The following GLYR1 variants were observed in gnomAD, a reference collection of about 807,000 sequenced individuals.
GLYR1 encodes the protein glyoxylate reductase 1 homolog, also known as cytokine-like nuclear factor N-PAC.
In GLYR1, 21 loss-of-function variants were observed where a neutral mutation model predicts 72.7. The observed-to-expected ratio is 0.29, with a 90% CI of 0.20 to 0.42. The LOEUF (loss-of-function observed/expected upper bound fraction) is 0.42. GLYR1 is among the 10% of genes least tolerant of loss of function. The probability of loss-of-function intolerance (pLI) is 1.00; values close to 1 mark genes in which losing one functional copy is unlikely to be tolerated. For missense variants in GLYR1, 594 were observed against 712.1 expected (o/e 0.83, Z 1.89); for synonymous variants, 392 against 270.2 (o/e 1.45, Z -4.42).
intron 5 of GLYR1, among the ~76,000 whole-genome samples, chr16:4,824,934 C>T (rs970477629): frequency 5.3e-5 from 8 of 152,106 alleles, no homozygotes; most frequent in African/African-American, 1.7e-4. Flanking sequence ...TCTACTAGGC[C>T]GATATCTTTA....
At chr16:4,841,946 C>G (rs1190484817) in intron 3 of GLYR1, among the ~76,000 whole-genome samples, 2 of 152,192 alleles carry the variant, frequency 1.3e-5, no homozygotes, top group African/African-American at 4.8e-5. Flanking sequence ...GAGCTGGATT[C>G]AAATCCCATC....
At chr16:4,818,109 C>T (rs567494296) in intron 9 of GLYR1, among the ~76,000 whole-genome samples, 3 of 152,086 alleles carry the variant, frequency 2.0e-5, no homozygotes, top group Non-Finnish European at 2.9e-5. Context: ...ATTCTCCTGC[C>T]TCAGCTTTCT....
chr16:4,809,641 C>A (rs2083212077), intron 15 of GLYR1, among the ~76,000 whole-genome samples: 1 of 147,154 alleles, frequency 6.8e-6, no homozygotes, highest in Admixed American at 6.9e-5. Flanking sequence ...ATCATACAGG[C>A]AGCTGGTTGT....
At chr16:4,831,522 T>C (rs1327702177) in intron 5 of GLYR1, among the ~76,000 whole-genome samples, 5 of 152,160 alleles carry the variant, frequency 3.3e-5, no homozygotes, top group Non-Finnish European at 7.3e-5. Flanking sequence ...GTGCCCTCCA[T>C]CTTTGGAATG....
In GLYR1 at chr16:4,815,942, C is replaced by T. The variant is rs1256085424; in HGVS notation, c.907-1295G>A. Among the ~76,000 whole-genome samples the T allele has an allele frequency of 5.9e-5, 9 of 151,838 alleles. 1 individual carries two copies. Among genetic ancestry groups the T allele is most frequent in the Middle Eastern group, 7.0e-3 (2 of 286 alleles). The stretch of plus-strand genomic sequence containing the variant: ...GACTACAGGCGCCCGCCACTGTGCC[C>T]GGCTAATTTTTCGTATTTTTAGTAG... On this transcript the variant is annotated intron_variant, in intron 10 of 15. Transcript: ENST00000321919.
chr16:4,805,062 G>T lies in GLYR1; in HGVS notation c.*174C>A, dbSNP rs2082891024. Reference sequence around the variant, plus strand: ...GCTGACACTTGTCCCCTCCCCACCGGCCTCAGGGGAAGGGTGCTGCTGTGT... The same window carrying T: ...GCTGACACTTGTCCCCTCCCCACCGTCCTCAGGGGAAGGGTGCTGCTGTGT... On this transcript the variant is annotated 3_prime_UTR_variant, in exon 16 of 16. Coordinates refer to ENST00000321919, the MANE Select transcript of GLYR1 (RefSeq NM_032569.4). 1 of 615,164 alleles carries T rather than the reference G, an allele frequency of 1.6e-6. No homozygotes were observed. Among genetic ancestry groups the T allele is most frequent in the Admixed American group, 2.5e-5 (1 of 39,904 alleles). 38.1% of individuals were successfully genotyped at this position (615,164 alleles called of 1,614,324 possible). A position where few individuals can be genotyped will look rare whatever the true frequency, so the allele number is the denominator to read the frequency against.
chr16:4,845,594 G>A (rs549776723), intron 2 of GLYR1, among the ~76,000 whole-genome samples: 1 of 151,814 alleles, frequency 6.6e-6, no homozygotes, highest in Non-Finnish European at 1.5e-5. Flanking sequence ...ACAGGACATA[G>A]TGAAAACAAA....
In GLYR1 at chr16:4,842,105, A is replaced by G. The variant is rs1012625563; in HGVS notation, c.155+2969T>C. ...AAAATACAACAAAAATTAGCTGGGC[A>G]TGGTGGTGTGCGCCTGTAGTCCCAG... On this transcript the variant is annotated intron_variant, in intron 3 of 15. Transcript: ENST00000321919. 2.6e-5 allele frequency among the ~76,000 whole-genome samples: 4 copies of G among 152,090 alleles called. 1 individual carries two copies. Among genetic ancestry groups the G allele is most frequent in the Admixed American group, 6.5e-5 (1 of 15,272 alleles).
intron 9 of GLYR1, among the ~76,000 whole-genome samples, chr16:4,819,484 A>T (rs1014822212): frequency 2.0e-5 from 3 of 151,818 alleles, no homozygotes; most frequent in African/African-American, 7.3e-5. Context: ...AAGTTTTAAA[A>T]TTTTTTTGTA....
intron 3 of GLYR1, chr16:4,839,564 A>G (rs2085395098): frequency 1.3e-5 from 2 of 152,324 alleles, no homozygotes; most frequent in Admixed American, 6.5e-5. Flanking sequence ...TATTTCCATG[A>G]AAATACAAAA....
Position 4,843,430 on chromosome 16 carries a change from C to A in GLYR1, c.155+1644G>T, listed in dbSNP as rs151194311. The A allele has an allele frequency of 8.6e-5, 102 of 1,189,514 alleles. No homozygotes were observed. In the African/African-American group the frequency reaches 1.6e-3, roughly 19 times the overall value. The allele number at this position is 1,189,514 out of a possible 1,614,324, so 73.7% of individuals were successfully genotyped here. A position where few individuals can be genotyped will look rare whatever the true frequency, so the allele number is the denominator to read the frequency against. On this transcript the variant is annotated intron_variant, in intron 3 of 15. Transcript: ENST00000321919. ...TTGGCCTCCCAAAGTACTGGGATTGCAGGCCTGAGGCACCATGCCCGGCCA... is the reference window on the plus strand; with the variant it reads ...TTGGCCTCCCAAAGTACTGGGATTGAAGGCCTGAGGCACCATGCCCGGCCA...
chr16:4,812,479 A>G (rs985096387), intron 12 of GLYR1, among the ~76,000 whole-genome samples: 1 of 151,954 alleles, frequency 6.6e-6, no homozygotes, highest in Admixed American at 6.6e-5. Context: ...TCCACACAGG[A>G]ACCCAACTGA....
At chr16:4,833,231 C>A (rs139577693) in intron 3 of GLYR1, 4 of 203,452 alleles carry the variant, frequency 2.0e-5, no homozygotes, top group Non-Finnish European at 3.9e-5. Flanking sequence ...ACCACATATA[C>A]GCTGCCACTT....
chr16:4,803,925 C>G lies in GLYR1; in HGVS notation c.*1311G>C, dbSNP rs1474484404. ...ACTTTTTTTTTTGCAACATTCCAAG[C>G]CCCCCCCGGTCCCCTATCCAAGGAC... On this transcript the variant is annotated 3_prime_UTR_variant, in exon 16 of 16. Transcript: ENST00000321919. 6.6e-6 allele frequency: 1 copy of G among 151,144 alleles called. No homozygotes were observed. The highest frequency in any genetic ancestry group is 6.6e-5 in the Admixed American group (1 of 15,144). The allele number at this position is 151,144 out of a possible 1,614,324, so 9.4% of individuals were successfully genotyped here.
chr16:4,822,930 G>A lies in GLYR1; in HGVS notation c.626C>T (p.Pro209Leu). Residue 209 changes from proline to leucine, a missense_variant and splice_region_variant, in exon 7 of 16, where the codon CCT becomes CTT. By Grantham distance (98) the Pro-to-Leu change is moderately conservative. Around this residue, in one of 5 missense-constraint regions of GLYR1, gnomAD observed 252 missense variants for 211.3 expected, o/e 1.19. Transcript: ENST00000321919. ...GAAATGAGGATCTGCATCTTTAACA[G>A]GCTGAAACCAGAAAACAGTGAAATA... Reference protein sequence around the residue: ...AFKWQPTASEPVKDADPHFHH... With the variant: ...AFKWQPTASELVKDADPHFHH... The A allele has an allele frequency of 1.9e-6, 3 of 1,613,958 alleles. No homozygotes were observed. Among genetic ancestry groups the A allele is most frequent in the Non-Finnish European group, 2.5e-6 (3 of 1,179,814 alleles).
intron 3 of GLYR1, among the ~76,000 whole-genome samples, chr16:4,844,397 A>T (rs1388623733): frequency 6.6e-6 from 1 of 152,244 alleles, no homozygotes; most frequent in Non-Finnish European, 1.5e-5. Context: ...TATTAACATA[A>T]ATAAAAGTTT....
At position 4,841,183 on chromosome 16, in the gene GLYR1, T is replaced by C. The variant is rs145922298; in HGVS notation, c.155+3891A>G. Among the ~76,000 whole-genome samples, 13 of 152,286 alleles carry C rather than the reference T, an allele frequency of 8.5e-5. No homozygotes were observed. The East Asian group carries it at 2.5e-3, about 29-fold the overall frequency. ...ACCACCACCATCCAGGCTATTTTTG[T>C]CTTGAGCAAGCACATCACCACTGGC... On this transcript the variant is annotated intron_variant, in intron 3 of 15. Coordinates refer to ENST00000321919, the MANE Select transcript of GLYR1 (RefSeq NM_032569.4).
rs770280620 is a variant in GLYR1 at position 4,832,813 on chromosome 16, A to C, written c.255T>G (p.Ala85=). 2 of 1,613,494 alleles carry C rather than the reference A, an allele frequency of 1.2e-6. No individual in the cohort carries two copies. Among genetic ancestry groups the C allele is most frequent in the Admixed American group, 3.3e-5 (2 of 59,902 alleles). Residue 85 remains alanine (A), a synonymous_variant, in exon 4 of 16, where the codon GCT becomes GCG. Transcript: ENST00000321919. ...KGKRFQQAVD[A]VEEFLRRAKG... is the part of the protein sequence containing the mutation. ...TGGCTCTCCTGAGGAACTCTTCGAC[A>C]GCATCTACCGCTTGCTGGAATCGTT...
chr16:4,846,872 G>C (rs1295335830), intron 1 of GLYR1: 1 of 357,638 alleles, frequency 2.8e-6, no homozygotes, highest in African/African-American at 2.2e-5. Context: ...GGTCCCCGGC[G>C]CTTCTGCTTT....
Sources: allele counts gnomAD v4.1 joint callset (sites outside exome capture counted in the v4.1 genomes callset), GRCh38; gene constraint gnomAD v4.1.1; regional missense constraint gnomAD v4.1.1; transcripts MANE v1.5; gene names NCBI Gene and HGNC (gene_info 2026-07-23, HGNC 2026-07-21).